UBA3: variants seen among roughly 807,000 people sequenced by gnomAD.
The protein encoded by UBA3 is ubiquitin like modifier activating enzyme 3, also known as NEDD8-activating enzyme E1 catalytic subunit.
Under a neutral mutation model 73.5 loss-of-function variants are expected in UBA3, and 26 were observed. That is an observed-to-expected ratio of 0.35 (90% CI 0.26 to 0.49). The LOEUF (loss-of-function observed/expected upper bound fraction) is 0.49. Among genes scored for constraint, UBA3 ranks in the 20% least tolerant of loss-of-function variants. The pLI is 0.98. For missense variants in UBA3, 495 were observed against 555.6 expected (o/e 0.89, Z 1.10); for synonymous variants, 217 against 191.2 (o/e 1.13, Z -1.11).
intron 1 of UBA3, 69 bp from the exon 2 acceptor site, chr3:69,080,222 A>C: frequency 8.4e-6 from 4 of 473,438 alleles, no homozygotes; most frequent in Non-Finnish European, 1.5e-5. Flanking sequence ...GAGGGGGGCG[A>C]GGGGACGGGG....
At chr3:69,075,206 T>C (rs994512441) in intron 4 of UBA3, 7 of 197,682 alleles carry the variant, frequency 3.5e-5, no homozygotes, top group Admixed American at 1.2e-4. Context: ...AACTGAAGTA[T>C]GAAATTTTAT....
At chr3:69,056,321 G>A (rs2091973391) in intron 14 of UBA3, 38 bp from the exon 15 acceptor site, 1 of 1,397,788 alleles carries the variant, frequency 7.2e-7, no homozygotes, top group Non-Finnish European at 9.8e-7. Context: ...AGCAGCACAT[G>A]CACCAATATT....
In UBA3 at chr3:69,075,497, A is replaced by G; in HGVS notation, c.197T>C (p.Leu66Ser). The G allele has an allele frequency of 6.4e-7, 1 of 1,559,128 alleles. No homozygotes were observed. Among genetic ancestry groups the G allele is most frequent in the Non-Finnish European group, 8.6e-7 (1 of 1,156,326 alleles). The change falls in exon 4 of 18, where the codon TTG (leucine) becomes TCG (serine). Residue 66 changes from leucine to serine, a missense_variant. Leu to Ser is a moderately radical substitution (Grantham distance 145, BLOSUM62 -2). Coordinates refer to ENST00000361055, the MANE Select transcript of UBA3 (RefSeq NM_003968.4). ...FEPSTESLQFLLDTCKVLVIG... is the reference protein window; with the variant it reads ...FEPSTESLQFSLDTCKVLVIG... The stretch of plus-strand genomic sequence containing the variant: ...GACTAGAACTTTACATGTATCTAAC[A>G]AGAACTGGAGAGACTGTAAAGAATG...
intron 14 of UBA3, 114 bp downstream of exon 14, chr3:69,056,498 A>T (rs1455495432): frequency 1.1e-6 from 1 of 945,334 alleles, no homozygotes; most frequent in Admixed American, 2.7e-5. Flanking sequence ...GATATATAAT[A>T]AGTAGAGTTC....
chr3:69,059,223 G>C (rs1204512548), intron 11 of UBA3, among the ~76,000 whole-genome samples: 1 of 152,188 alleles, frequency 6.6e-6, no homozygotes, highest in Non-Finnish European at 1.5e-5. Flanking sequence ...CAGTCCATTA[G>C]AGAGAATGGT....
Position 69,056,051 on chromosome 3 carries a change from A to C in UBA3, c.1197T>G (p.Ser399=). ...LTNSASLQMK[S]PAITATLEGK... ...CCTCTAGGGTGGCTGTGATGGCTGG[A>C]GATTTCATTTGCCTAAAGATTATGA... The change falls in exon 16 of 18, where the codon TCT becomes TCG. Residue 399 remains serine (S), a synonymous_variant. Transcript: ENST00000361055. The C allele has an allele frequency of 6.2e-7, 1 of 1,603,946 alleles. No homozygotes were observed.
rs1175709779 is a variant in UBA3, at chr3:69,063,297, T to C, written c.537+142A>G. 12 of 1,241,476 alleles carry C rather than the reference T, an allele frequency of 9.7e-6. No homozygotes were observed. In the Admixed American group the frequency reaches 1.6e-4, roughly 17 times the overall value. The allele number at this position is 1,241,476 out of a possible 1,614,324, so 76.9% of individuals were successfully genotyped here. On this transcript the variant is annotated intron_variant, in intron 8 of 17. Coordinates refer to ENST00000361055, the MANE Select transcript of UBA3 (RefSeq NM_003968.4). ...ATTTGTGTCTTCACCTGAAAACCAA[T>C]GACTGGCAATAAACAATGAAGTAAA...
chr3:69,062,034 A>G (rs1575833404), intron 10 of UBA3, 43 bp downstream of exon 10: 1 of 1,459,082 alleles, frequency 6.9e-7, no homozygotes, highest in Non-Finnish European at 9.4e-7. Context: ...TAGAAAAAAT[A>G]TGTATTTTAT....
intron 6 of UBA3, among the ~76,000 whole-genome samples, chr3:69,066,741 T>C (rs2092075273): frequency 6.6e-6 from 1 of 152,184 alleles, no homozygotes; most frequent in Non-Finnish European, 1.5e-5. Flanking sequence ...TCATTTTATA[T>C]TTTATATTTA....
At chr3:69,073,813 T>C (rs1225355722) in intron 4 of UBA3, among the ~76,000 whole-genome samples, 1 of 152,016 alleles carries the variant, frequency 6.6e-6, no homozygotes, top group Non-Finnish European at 1.5e-5. Context: ...TTTTTTGTTT[T>C]CTGTATTTTT....
In UBA3 at chr3:69,063,063, T is replaced by G. The variant is rs1372661821; in HGVS notation, c.612A>C (p.Glu204Asp). The G allele has an allele frequency of 6.2e-7, 1 of 1,613,978 alleles. No individual in the cohort carries two copies. The highest frequency in any genetic ancestry group is 1.3e-5 in the African/African-American group (1 of 74,906). Residue 204 changes from glutamate to aspartate, a missense_variant, in exon 9 of 18, where the codon GAA (glutamate) becomes GAC (aspartate). Physicochemically the swap from Glu to Asp is conservative, Grantham distance 45 (BLOSUM62 2). Transcript: ENST00000361055. Reference protein sequence around the residue: ...SIVPLIDGGTEGFKGNARVIL... With the variant: ...SIVPLIDGGTDGFKGNARVIL... ...TCACCCGGGCATTTCCTTTAAAACCTTCTGTCCCCCCATCTATCAAAGGGA... is the reference window on the plus strand; with the variant it reads ...TCACCCGGGCATTTCCTTTAAAACCGTCTGTCCCCCCATCTATCAAAGGGA...
At chr3:69,060,523 A>G (rs758889236) in intron 11 of UBA3, among the ~76,000 whole-genome samples, 22 of 152,242 alleles carry the variant, frequency 1.4e-4, no homozygotes, top group Non-Finnish European at 2.6e-4. Context: ...ATAATGCTGC[A>G]TGTTGGCCTG....
intron 4 of UBA3, chr3:69,075,109 TG>T (rs2092154065): frequency 6.4e-6 from 1 of 155,688 alleles, no homozygotes. Context: ...AAATATGAAT[TG>T]CCAGTTTTGT....
chr3:69,071,717 A>C, intron 4 of UBA3, 100 bp from the exon 5 acceptor site: 1 of 693,278 alleles, frequency 1.4e-6, no homozygotes, highest in East Asian at 3.2e-5. Flanking sequence ...ATTCTCAGTA[A>C]TAAATTCTGT....
intron 2 of UBA3, among the ~76,000 whole-genome samples, chr3:69,078,847 T>A (rs986211157): frequency 1.3e-5 from 2 of 152,152 alleles, no homozygotes; most frequent in African/African-American, 4.8e-5. Context: ...AAGTTTCAGA[T>A]TACAATTACG....
At chr3:69,080,233 C>CGGGGGGGGGGGGG in intron 1 of UBA3, 80 bp from the exon 2 acceptor site, 2 of 557,188 alleles carry the variant, frequency 3.6e-6, no homozygotes, top group Non-Finnish European at 6.2e-6. Context: ...GGGGACGGGG[C>CGGGGGGGGGGGGG]GGGGGGTGTG....
intron 5 of UBA3, among the ~76,000 whole-genome samples, chr3:69,068,495 A>C (rs2092092479): frequency 6.6e-6 from 1 of 151,718 alleles, no homozygotes; most frequent in African/African-American, 2.4e-5. Flanking sequence ...AAGCTGCATG[A>C]AAAAGAAAAA....
chr3:69,059,906 G>A (rs1161379630), intron 11 of UBA3, among the ~76,000 whole-genome samples: 5 of 152,120 alleles, frequency 3.3e-5, no homozygotes, highest in Non-Finnish European at 7.4e-5. Flanking sequence ...GCCTCATTTG[G>A]CTACTATGAC....
intron 5 of UBA3, among the ~76,000 whole-genome samples, chr3:69,070,623 A>C (rs980091655): frequency 2.6e-5 from 4 of 152,110 alleles, no homozygotes; most frequent in Admixed American, 1.3e-4. Flanking sequence ...GTCTGGATAC[A>C]TGGTCTACTT....
Sources: allele counts gnomAD v4.1 joint callset (sites outside exome capture counted in the v4.1 genomes callset), GRCh38; gene constraint gnomAD v4.1.1; transcripts MANE v1.5; gene names NCBI Gene and HGNC (gene_info 2026-07-23, HGNC 2026-07-21).